Variants in RB1 observed in about 807,000 individuals in gnomAD.
The protein encoded by RB1 is retinoblastoma-associated protein.
RB1 carries 18 observed loss-of-function variants against 135.4 expected under a neutral mutation model. That is an observed-to-expected ratio of 0.13 (90% CI 0.09 to 0.20). The LOEUF is 0.20. RB1 is among the 10% of genes least tolerant of loss of function. RB1 has a pLI of 1.00. For missense variants in RB1, 868 were observed against 1,110.0 expected (o/e 0.78, Z 3.10); for synonymous variants, 365 against 373.2 (o/e 0.98, Z 0.25).
intron 17 of RB1, among the ~76,000 whole-genome samples, chr13:48,424,925 A>C (rs1006929951): frequency 5.3e-5 from 8 of 151,954 alleles, no homozygotes; most frequent in African/African-American, 1.9e-4. Context: ...GTGGTGGCTC[A>C]CACCTGTAAT....
intron 17 of RB1, among the ~76,000 whole-genome samples, chr13:48,441,820 A>G (rs198568): frequency 0.78 from 118,856 of 152,042 alleles, 52,223 homozygotes; most frequent in Non-Finnish European, 0.97. Flanking sequence ...ATTCTGTGGT[A>G]TAGAGATCCT....
intron 17 of RB1, among the ~76,000 whole-genome samples, chr13:48,393,532 T>G (rs1337115506): frequency 1.3e-5 from 2 of 152,228 alleles, no homozygotes; most frequent in Non-Finnish European, 2.9e-5. Context: ...ATTTTGTGGT[T>G]GTTTAAACGA....
At chr13:48,441,745 T>C (rs1054061074) in intron 17 of RB1, among the ~76,000 whole-genome samples, 6 of 152,320 alleles carry the variant, frequency 3.9e-5, no homozygotes, top group African/African-American at 1.4e-4. Context: ...TTTGCTATCA[T>C]AGAATTATAT....
At chr13:48,456,538 T>C (rs1949361562) in intron 19 of RB1, among the ~76,000 whole-genome samples, 189 bp downstream of exon 19, 1 of 152,250 alleles carries the variant, frequency 6.6e-6, no homozygotes, top group African/African-American at 2.4e-5. Context: ...GAGTCGTTTT[T>C]CTGGCCGGAA....
intron 2 of RB1, among the ~76,000 whole-genome samples, chr13:48,336,931 C>T (rs1434229962): frequency 2.0e-5 from 3 of 152,250 alleles, no homozygotes; most frequent in Admixed American, 6.5e-5. Context: ...GCCTTCATTT[C>T]GTTATGTACC....
At position 48,411,971 on chromosome 13, in the gene RB1, G is replaced by A. The variant is rs770561161; in HGVS notation, c.1695+30528G>A. On this transcript the variant is annotated intron_variant, in intron 17 of 26. Coordinates refer to ENST00000267163, the MANE Select transcript of RB1 (RefSeq NM_000321.3). ...GAGAGTGGGTAGACTGAACAAAAAC[G>A]GCGGGTGCACTTCCTCCGATCACAG... 16 of 1,598,010 alleles carry A rather than the reference G, an allele frequency of 1.0e-5. No individual in the cohort carries two copies. In the East Asian group the frequency reaches 1.6e-4, roughly 16 times the overall value.
At position 48,481,029 on chromosome 13, in the gene RB1, T is replaced by C. The variant is rs941918069; in HGVS notation, c.*958T>C. ...TACTCCATAAACAGACTGTTAATTATAGGAGCCTTAATTTTTTTTTCATAG... is the reference window on the plus strand; with the variant it reads ...TACTCCATAAACAGACTGTTAATTACAGGAGCCTTAATTTTTTTTTCATAG... On this transcript the variant is annotated 3_prime_UTR_variant, in exon 27 of 27. Coordinates refer to ENST00000267163, the MANE Select transcript of RB1 (RefSeq NM_000321.3). The C allele has an allele frequency of 4.4e-6, 1 of 229,506 alleles. No homozygotes were observed. Among genetic ancestry groups the C allele is most frequent in the African/African-American group, 2.2e-5 (1 of 45,126 alleles). The allele number at this position is 229,506 out of a possible 1,614,324, so 14.2% of individuals were successfully genotyped here.
chr13:48,362,969 T>A lies in RB1; in HGVS notation c.861+12T>A, dbSNP rs2138112942. On this transcript the variant is annotated intron_variant, in intron 8 of 26. Transcript: ENST00000267163. ...GTAATATAGATGAGGTAATTTAACT[T>A]CATGATTTCTTTAAAACAGTTAAAG... 3 of 1,609,420 alleles carry A rather than the reference T, an allele frequency of 1.9e-6. No homozygotes were observed. The highest frequency in any genetic ancestry group is 2.6e-6 in the Non-Finnish European group (3 of 1,175,926).
intron 17 of RB1, among the ~76,000 whole-genome samples, chr13:48,386,788 A>G (rs1235354127): frequency 6.6e-6 from 1 of 152,192 alleles, no homozygotes; most frequent in Non-Finnish European, 1.5e-5. Flanking sequence ...AATGTGAGAG[A>G]TTTGTAAACA....
At chr13:48,478,606 A>C (rs1189099772) in intron 26 of RB1, among the ~76,000 whole-genome samples, 2 of 152,212 alleles carry the variant, frequency 1.3e-5, no homozygotes, top group Non-Finnish European at 2.9e-5. Context: ...CCAGTGACAC[A>C]CTTAGCTATG....
At position 48,303,922 on chromosome 13, in the gene RB1, A is replaced by G; in HGVS notation, c.10A>G (p.Lys4Glu). 6.6e-7 allele frequency: 1 copy of G among 1,512,862 alleles called. No homozygotes were observed. The highest frequency in any genetic ancestry group is 8.8e-7 in the Non-Finnish European group (1 of 1,137,792). 93.7% of individuals were successfully genotyped at this position (1,512,862 alleles called of 1,614,324 possible). Reference sequence around the variant, plus strand: ...GCCGCGGAAAGGCGTCATGCCGCCCAAAACCCCCCGAAAAACGGCCGCCAC... The same window carrying G: ...GCCGCGGAAAGGCGTCATGCCGCCCGAAACCCCCCGAAAAACGGCCGCCAC... MPP[K>E]TPRKTAATAA... Residue 4 changes from lysine to glutamate, a missense_variant, in exon 1 of 27, where the codon AAA (lysine) becomes GAA (glutamate). Around this residue, in one of 3 missense-constraint regions of RB1, gnomAD observed 641 missense variants for 791.3 expected, o/e 0.81. Coordinates refer to ENST00000267163, the MANE Select transcript of RB1 (RefSeq NM_000321.3).
chr13:48,329,929 C>T (rs1159462741), intron 2 of RB1, among the ~76,000 whole-genome samples: 1 of 151,874 alleles, frequency 6.6e-6, no homozygotes, highest in African/African-American at 2.4e-5. Context: ...ATATGTCAGG[C>T]CATAAAACAA....
intron 20 of RB1, among the ~76,000 whole-genome samples, chr13:48,461,132 A>ACCAC (rs1407470025): frequency 6.6e-6 from 1 of 152,158 alleles, no homozygotes. Context: ...GTATCACACC[A>ACCAC]GAAAGAAACT....
chr13:48,358,127 A>G (rs1952609132), intron 6 of RB1, among the ~76,000 whole-genome samples: 1 of 152,152 alleles, frequency 6.6e-6, no homozygotes, highest in African/African-American at 2.4e-5. Context: ...ATGTGGGAGA[A>G]CTGGAGTTAT....
At chr13:48,387,116 A>G (rs1948577108) in intron 17 of RB1, among the ~76,000 whole-genome samples, 1 of 152,202 alleles carries the variant, frequency 6.6e-6, no homozygotes. Context: ...ACTTCAACCT[A>G]AACAGCATAT....
intron 7 of RB1, chr13:48,360,878 A>G (rs1000073843): frequency 2.0e-5 from 3 of 152,106 alleles, no homozygotes; most frequent in Non-Finnish European, 4.4e-5. Context: ...TGAAATGATG[A>G]AAGTATTAAT....
chr13:48,319,101 A>G lies in RB1; in HGVS notation c.264+11695A>G. The G allele has an allele frequency of 1.6e-6, 1 of 613,422 alleles. No individual in the cohort carries two copies. The highest frequency in any genetic ancestry group is 3.7e-5 in the East Asian group (1 of 27,038). 38.0% of individuals were successfully genotyped at this position (613,422 alleles called of 1,614,324 possible). A position where few individuals can be genotyped will look rare whatever the true frequency, so the allele number is the denominator to read the frequency against. ...GACCGTTCTACAAACTCGTTCCTGG[A>G]AGCCGGGCTCGCTGGAGGCGGAGCT... On this transcript the variant is annotated intron_variant, in intron 2 of 26. Transcript: ENST00000267163. This position sits in a 1 kb window ranked among gnomAD's most constrained non-coding sequence, Gnocchi z 5.0.
chr13:48,351,481 A>G (rs1593439214), intron 6 of RB1, among the ~76,000 whole-genome samples: 1 of 152,016 alleles, frequency 6.6e-6, no homozygotes. Context: ...AATGCTGGAT[A>G]TTAAACCTTT....
chr13:48,379,499 A>G (rs1016535160), intron 13 of RB1, 95 bp from the exon 14 acceptor site: 1 of 1,485,284 alleles, frequency 6.7e-7, no homozygotes, highest in African/African-American at 1.5e-5. Context: ...CAGCCTGGGC[A>G]AAACAGTGAG....
Sources: gnomAD v4.1 joint callset for allele counts (sites outside exome capture counted in the v4.1 genomes callset) on GRCh38, gnomAD v4.1.1 for gene constraint, gnomAD v4.1.1 regional missense constraint, Gnocchi (gnomAD v3.1) non-coding constraint, MANE v1.5 for transcripts, NCBI Gene and HGNC (gene_info 2026-07-23, HGNC 2026-07-21) for gene names.